The following MAPT variants were observed in gnomAD, a reference collection of about 807,000 sequenced individuals.
The protein encoded by MAPT is microtubule-associated protein tau.
A neutral mutation model predicts 67.9 loss-of-function variants in MAPT; 34 were observed. That is an observed-to-expected ratio of 0.50 (90% confidence interval 0.38 to 0.67). The LOEUF (loss-of-function observed/expected upper bound fraction) is 0.67. Among genes scored for constraint, MAPT ranks in the 30% least tolerant of loss-of-function variants. The pLI is 0.00. For missense variants in MAPT, 881 were observed against 1,115.2 expected, an observed-to-expected ratio of 0.79 and a Z score of 2.99; for synonymous variants, 456 against 464.5, an observed-to-expected ratio of 0.98 and a Z score of 0.23.
intron 1 of MAPT, among the ~76,000 whole-genome samples, chr17:45,921,485 A>G (rs577985388): frequency 1.1e-4 from 17 of 152,272 alleles, no homozygotes; most frequent in Middle Eastern, 6.8e-3. Context: ...GAAGACACAC[A>G]GGGCCTGGCC....
In MAPT at chr17:45,962,388, G is replaced by C. The variant is rs369969350; in HGVS notation, c.51G>C (p.Thr17=). Residue 17 remains threonine, a synonymous_variant, in exon 2 of 13, where the codon ACG becomes ACC. Transcript: ENST00000262410. ...AAGTGATGGAAGATCACGCTGGGAC[G>C]TACGGGTTGGGGGACAGGAAAGATC... ...EFEVMEDHAG[T]YGLGDRKDQG... 1 of 1,612,498 alleles carries C rather than the reference G, an allele frequency of 6.2e-7. No individual in the cohort carries two copies. Among genetic ancestry groups the C allele is most frequent in the African/African-American group, 1.3e-5 (1 of 74,842 alleles).
chr17:45,971,821 G>A lies in MAPT; in HGVS notation c.134-38G>A. On this transcript the variant is annotated intron_variant, in intron 2 of 12. Coordinates refer to ENST00000262410, the MANE Select transcript of MAPT (RefSeq NM_001377265.1). This position sits in a 1 kb window ranked among gnomAD's most constrained non-coding sequence, Gnocchi z 4.3. ...TGAGAACAAAAGGGGGCGCTGGGGAGAGGCCACCGTTCTGAGGGCTCACTG... is the reference window on the plus strand; with the variant it reads ...TGAGAACAAAAGGGGGCGCTGGGGAAAGGCCACCGTTCTGAGGGCTCACTG... 7.0e-7 allele frequency: 1 copy of A among 1,435,314 alleles called. No individual in the cohort carries two copies. Among genetic ancestry groups the A allele is most frequent in the South Asian group, 1.1e-5 (1 of 87,546 alleles). 88.9% of individuals were successfully genotyped at this position (1,435,314 alleles called of 1,614,324 possible).
intron 1 of MAPT, among the ~76,000 whole-genome samples, chr17:45,919,765 T>C (rs1320779541): frequency 1.3e-5 from 2 of 152,116 alleles, no homozygotes; most frequent in African/African-American, 2.4e-5. Context: ...TAAATAAAAT[T>C]AGCTTTGCAG....
chr17:45,901,363 C>A (rs1255053908), intron 1 of MAPT, among the ~76,000 whole-genome samples: 6 of 152,050 alleles, frequency 3.9e-5, no homozygotes, highest in Non-Finnish European at 2.9e-5. Context: ...GAGGGCTGAT[C>A]GAGAAAGTAA....
At position 45,930,911 on chromosome 17, in the gene MAPT, G is replaced by A. The variant is rs909892340; in HGVS notation, c.-17-31410G>A. 5.3e-5 allele frequency among the ~76,000 whole-genome samples: 8 copies of A among 152,296 alleles called. No homozygotes were observed. The East Asian group carries it at 1.4e-3, about 26-fold the overall frequency. Reference sequence around the variant, plus strand: ...CCGGCCTCTGTTTCCGGGGCTGAGTGGGGGCCAGACCTGCCAGGAGCACCA... The same window carrying A: ...CCGGCCTCTGTTTCCGGGGCTGAGTAGGGGCCAGACCTGCCAGGAGCACCA... On this transcript the variant is annotated intron_variant, in intron 1 of 12. Coordinates refer to ENST00000262410, the MANE Select transcript of MAPT (RefSeq NM_001377265.1).
rs1304446997 is a variant in MAPT at position 46,010,527 on chromosome 17, C to A, written c.2091+125C>A. The A allele has an allele frequency of 5.2e-6, 4 of 765,250 alleles. No homozygotes were observed. In the African/African-American group the frequency reaches 6.8e-5, roughly 13 times the overall value. The allele number at this position is 765,250 out of a possible 1,614,324, so 47.4% of individuals were successfully genotyped here. On this transcript the variant is annotated intron_variant, in intron 10 of 12. Transcript: ENST00000262410. The surrounding 1 kb of genome is among the most constrained non-coding windows in gnomAD (Gnocchi z 4.7). ...TTCTTGGGCTCTCAGGATCTGGCTG[C>A]GACCTCTGGGTGAATGTAGCCCGGC...
chr17:45,991,790 T>C (rs2145771163), intron 8 of MAPT, among the ~76,000 whole-genome samples: 1 of 152,194 alleles, frequency 6.6e-6, no homozygotes, highest in African/African-American at 2.4e-5. Flanking sequence ...CCTTTTTTTT[T>C]TTTTTTCTTT....
chr17:46,019,829 T>C (rs1424718141), intron 12 of MAPT, among the ~76,000 whole-genome samples: 1 of 151,086 alleles, frequency 6.6e-6, no homozygotes, highest in Non-Finnish European at 1.5e-5. Context: ...CTGGCCAACA[T>C]GGTAAAACCC....
In MAPT at chr17:46,002,506, G is replaced by A. The variant is rs188761979; in HGVS notation, c.1998+5842G>A. On this transcript the variant is annotated intron_variant, in intron 9 of 12. Transcript: ENST00000262410. Reference sequence around the variant, plus strand: ...GGATCATGCCCAGGGAAGGGCCCAGGGGCCCAAGCATGGGGGGGCCTGGTT... The same window carrying A: ...GGATCATGCCCAGGGAAGGGCCCAGAGGCCCAAGCATGGGGGGGCCTGGTT... Among the ~76,000 whole-genome samples the A allele has an allele frequency of 3.9e-5, 6 of 152,274 alleles. No homozygotes were observed. The East Asian group carries it at 1.2e-3, about 29-fold the overall frequency.
intron 5 of MAPT, among the ~76,000 whole-genome samples, chr17:45,986,802 G>C (rs1477742497): frequency 2.0e-5 from 3 of 152,160 alleles, no homozygotes; most frequent in Non-Finnish European, 2.9e-5. Context: ...TCCCACCCTC[G>C]GCCAGCCTGC....
chr17:45,922,963 TG>T (rs2065898504), intron 1 of MAPT, among the ~76,000 whole-genome samples: 1 of 152,156 alleles, frequency 6.6e-6, no homozygotes, highest in Admixed American at 6.5e-5. Context: ...CTGTGGCGAG[TG>T]ACAGAGCCTG....
intron 3 of MAPT, chr17:45,974,312 C>A: frequency 4.6e-6 from 5 of 1,089,440 alleles, no homozygotes; most frequent in African/African-American, 1.5e-5. Context: ...ATTGCTCCTG[C>A]GCAAGAAGCA....
At chr17:45,974,102 T>C (rs982627968) in intron 3 of MAPT, 5 of 514,482 alleles carry the variant, frequency 9.7e-6, no homozygotes, top group African/African-American at 9.6e-5. Flanking sequence ...CCTGGGGCCA[T>C]GCCCAGCAGT....
At position 45,987,054 on chromosome 17, in the gene MAPT, A is replaced by G. The variant is rs762213614; in HGVS notation, c.1366A>G (p.Lys456Glu). The G allele has an allele frequency of 2.4e-5, 38 of 1,614,036 alleles. No homozygotes were observed. Among genetic ancestry groups the G allele is most frequent in the Middle Eastern group, 3.3e-4 (2 of 6,058 alleles). ...VPQLKARMVS[K>E]SKDGTGSDDK... The stretch of plus-strand genomic sequence containing the variant: ...TATTTTATCAGCTCGCATGGTCAGT[A>G]AAAGCAAAGACGGGACTGGAAGCGA... The change falls in exon 6 of 13, where the codon AAA becomes GAA. Residue 456 changes from lysine to glutamate, a missense_variant. Physicochemically the swap from Lys to Glu is moderately conservative, Grantham distance 56. Around this residue, in one of 6 missense-constraint regions of MAPT, gnomAD observed 687 missense variants for 766.1 expected, o/e 0.90. Transcript: ENST00000262410.
intron 7 of MAPT, 31 bp from the exon 8 acceptor site, chr17:45,991,429 G>A (rs532324340): frequency 6.2e-7 from 1 of 1,614,062 alleles, no homozygotes; most frequent in South Asian, 1.1e-5. Flanking sequence ...TCCCAATGGT[G>A]AAAAACCCCT....
chr17:46,018,535 C>A, intron 11 of MAPT, 83 bp from the exon 12 acceptor site: 1 of 1,044,526 alleles, frequency 9.6e-7, no homozygotes, highest in Non-Finnish European at 1.5e-6. Flanking sequence ...GCCCTGTAGA[C>A]TGCAGACCTC....
intron 5 of MAPT, chr17:45,985,691 T>C (rs910013382): frequency 5.6e-5 from 55 of 985,300 alleles, no homozygotes; most frequent in Non-Finnish European, 6.3e-5. Context: ...ATTTAGCAGA[T>C]TCTTTTGTTG....
At chr17:45,930,672 C>A (rs941616477) in intron 1 of MAPT, among the ~76,000 whole-genome samples, 2 of 152,186 alleles carry the variant, frequency 1.3e-5, no homozygotes, top group African/African-American at 2.4e-5. Flanking sequence ...CTACCTCCTG[C>A]TTAATTTTTT....
chr17:46,014,491 T>A (rs2076023522), intron 11 of MAPT, among the ~76,000 whole-genome samples, 167 bp downstream of exon 11: 1 of 152,148 alleles, frequency 6.6e-6, no homozygotes, highest in Admixed American at 6.5e-5. Flanking sequence ...CCAGGAGGCG[T>A]GGTGGCTCCA....
Sources: allele counts gnomAD v4.1 joint callset (sites outside exome capture counted in the v4.1 genomes callset), GRCh38; gene constraint gnomAD v4.1.1; regional missense constraint gnomAD v4.1.1; non-coding constraint Gnocchi (gnomAD v3.1); transcripts MANE v1.5; gene names NCBI Gene and HGNC (gene_info 2026-07-23, HGNC 2026-07-21).